The following CYBC1 variants were observed in gnomAD, a reference collection of about 807,000 sequenced individuals.
The protein encoded by CYBC1 is cytochrome b-245 chaperone 1, also known as essential for reactive oxygen species protein.
A neutral mutation model predicts 21.7 loss-of-function variants in CYBC1; 22 were observed. The observed-to-expected ratio is 1.02, with a 90% CI of 0.73 to 1.45. CYBC1 has a LOEUF of 1.45. CYBC1 is among the 40% of genes most tolerant of loss of function. CYBC1 has a pLI of 0.00. For missense variants in CYBC1, 237 were observed against 242.1 expected, an observed-to-expected ratio of 0.98 and a Z score of 0.14; for synonymous variants, 112 against 98.7, an observed-to-expected ratio of 1.13 and a Z score of -0.80.
intron 6 of CYBC1, 95 bp from the exon 7 acceptor site, chr17:82,444,219 C>G: frequency 6.5e-7 from 1 of 1,528,974 alleles, no homozygotes; most frequent in Non-Finnish European, 8.8e-7. Flanking sequence ...ACCTACCTCC[C>G]GCAGACCCTG....
In CYBC1 at chr17:82,445,322, C is replaced by T. The variant is rs376085402; in HGVS notation, c.298+542G>A. On this transcript the variant is annotated intron_variant, in intron 5 of 6. Coordinates refer to ENST00000306645, the MANE Select transcript of CYBC1 (RefSeq NM_001033046.4). ...CCAGGCTCAAGGGTGGGGAGTTCCT[C>T]GGACCATCCAGCCCCTACTGCAGGC... 3.4e-3 allele frequency: 543 copies of T among 158,424 alleles called. 5 individuals carry two copies. Among genetic ancestry groups the T allele is most frequent in the African/African-American group, 0.012 (494 of 41,580 alleles). The allele number at this position is 158,424 out of a possible 1,614,324, so 9.8% of individuals were successfully genotyped here.
In CYBC1 at chr17:82,445,892, C is replaced by T. The variant is rs1043708172; in HGVS notation, c.270G>A (p.Leu90=). 5.0e-6 allele frequency: 8 copies of T among 1,613,034 alleles called. No individual in the cohort carries two copies. The African/African-American group carries it at 8.0e-5, about 16-fold the overall frequency. Residue 90 remains leucine (L), a synonymous_variant, in exon 5 of 7, where the codon CTG becomes CTA. Coordinates refer to ENST00000306645, the MANE Select transcript of CYBC1 (RefSeq NM_001033046.4). The part of the protein sequence containing the change: ...LKTFSLYKKL[L]TLFRAGHDQV... Reference sequence around the variant, plus strand: ...GGTCGTGGCCAGCTCTGAAAAGAGTCAGCAGCTTCTTGTAGAGGCTGAACG... The same window carrying T: ...GGTCGTGGCCAGCTCTGAAAAGAGTTAGCAGCTTCTTGTAGAGGCTGAACG...
chr17:82,449,926 AC>A (rs2054496928), intron 1 of CYBC1: 1 of 152,132 alleles, frequency 6.6e-6, no homozygotes. Flanking sequence ...GGCCCCAGGG[AC>A]CCCGTTCTGG....
At chr17:82,450,125 T>C (rs2054507771) in intron 1 of CYBC1, 1 of 151,842 alleles carries the variant, frequency 6.6e-6, no homozygotes, top group African/African-American at 2.4e-5. Flanking sequence ...CCACAGAAAA[T>C]ACATAAAACA....
At chr17:82,444,239 A>C in intron 6 of CYBC1, 115 bp from the exon 7 acceptor site, 1 of 1,486,220 alleles carries the variant, frequency 6.7e-7, no homozygotes, top group Non-Finnish European at 9.0e-7. Flanking sequence ...GGAGCTCCCA[A>C]ACTGGACCCA....
rs138819358 is a variant in CYBC1 at position 82,444,792 on chromosome 17, G to A, written c.299-201C>T. The A allele has an allele frequency of 1.5e-4, 91 of 613,022 alleles. 1 individual carries two copies. Among genetic ancestry groups the A allele is most frequent in the African/African-American group, 1.4e-3 (78 of 53,916 alleles). The allele number at this position is 613,022 out of a possible 1,614,324, so 38.0% of individuals were successfully genotyped here. Reference sequence around the variant, plus strand: ...GCAGGGTCCTCTGGGTGGGAAGGACGTGCCCGCGGTGCAGGCTGGCGGGTC... The same window carrying A: ...GCAGGGTCCTCTGGGTGGGAAGGACATGCCCGCGGTGCAGGCTGGCGGGTC... On this transcript the variant is annotated intron_variant, in intron 5 of 6. Transcript: ENST00000306645.
intron 1 of CYBC1, chr17:82,449,900 G>A (rs1016248527): frequency 4.9e-4 from 75 of 152,368 alleles, no homozygotes; most frequent in Middle Eastern, 3.4e-3. Flanking sequence ...CCACTTCACC[G>A]TACGCTCCCA....
Position 82,445,963 on chromosome 17 carries a change from G to A in CYBC1, c.202-3C>T, listed in dbSNP as rs1209715263. On this transcript the variant is annotated splice_polypyrimidine_tract_variant and splice_region_variant and intron_variant, in intron 4 of 6. Coordinates refer to ENST00000306645, the MANE Select transcript of CYBC1 (RefSeq NM_001033046.4). ...GTGCTCTTGTCGAAGATGGCTTCCT[G>A]GAAACCGACATGCACTGACCACCAT... 2 of 1,612,872 alleles carry A rather than the reference G, an allele frequency of 1.2e-6. No homozygotes were observed. Among genetic ancestry groups the A allele is most frequent in the Non-Finnish European group, 1.7e-6 (2 of 1,179,414 alleles).
In CYBC1 at chr17:82,443,984, G is replaced by A. The variant is rs746855108; in HGVS notation, c.*20C>T. 1 of 1,610,590 alleles carries A rather than the reference G, an allele frequency of 6.2e-7. No individual in the cohort carries two copies. The highest frequency in any genetic ancestry group is 1.3e-5 in the African/African-American group (1 of 74,896). ...CATGGGTCCTGTGGGCGGTGCACGG[G>A]CTCAGGCACAGTGGGGCTGTCAGCT... On this transcript the variant is annotated 3_prime_UTR_variant, in exon 7 of 7. Transcript: ENST00000306645. This position sits in a 1 kb window ranked among gnomAD's most constrained non-coding sequence, Gnocchi z 6.7.
At chr17:82,444,387 G>A (rs1342892722) in intron 6 of CYBC1, 60 bp downstream of exon 6, 7 of 1,556,138 alleles carry the variant, frequency 4.5e-6, no homozygotes, top group Non-Finnish European at 6.1e-6. Flanking sequence ...TGGGCAGTCA[G>A]GAACGGGAGT....
rs755259919 is a variant in CYBC1 at position 82,443,657 on chromosome 17, G to A, written c.*347C>T. On this transcript the variant is annotated 3_prime_UTR_variant, in exon 7 of 7. Coordinates refer to ENST00000306645, the MANE Select transcript of CYBC1 (RefSeq NM_001033046.4). The surrounding 1 kb of genome is among the most constrained non-coding windows in gnomAD (Gnocchi z 6.7). ...GAAAGGCAGGCCCAGGCCTCACGAT[G>A]GAGAAAGTCTGGATGTCCTGGTCTG... is the stretch of plus-strand genomic sequence containing the variant. 3.9e-6 allele frequency: 3 copies of A among 762,628 alleles called. No individual in the cohort carries two copies. The highest frequency in any genetic ancestry group is 2.7e-5 in the South Asian group (2 of 74,138). The allele number at this position is 762,628 out of a possible 1,614,324, so 47.2% of individuals were successfully genotyped here. A position where few individuals can be genotyped will look rare whatever the true frequency, so the allele number is the denominator to read the frequency against.
intron 1 of CYBC1, chr17:82,449,833 A>C (rs2143763705): frequency 6.5e-6 from 1 of 152,694 alleles, no homozygotes; most frequent in African/African-American, 2.4e-5. Context: ...AGAACCGACG[A>C]GTCACCAAAG....
chr17:82,446,609 C>G lies in CYBC1; in HGVS notation c.201+14G>C, dbSNP rs370383989. 5.0e-6 allele frequency: 8 copies of G among 1,613,782 alleles called. No individual in the cohort carries two copies. The South Asian group carries it at 7.7e-5, about 16-fold the overall frequency. On this transcript the variant is annotated intron_variant, in intron 4 of 6. Transcript: ENST00000306645. ...ACAGCCCTGGACTCTGTCCCGCACCCGAGCCGGCCTTACCTCCCAGTCCTC... is the reference window on the plus strand; with the variant it reads ...ACAGCCCTGGACTCTGTCCCGCACCGGAGCCGGCCTTACCTCCCAGTCCTC...
chr17:82,445,006 G>A (rs1201188001), intron 5 of CYBC1: 1 of 168,816 alleles, frequency 5.9e-6, no homozygotes, highest in African/African-American at 2.4e-5. Context: ...CCCAATGGCT[G>A]TCAGAAAACG....
chr17:82,443,251 C>T lies in CYBC1; in HGVS notation c.*753G>A. 2 of 354,218 alleles carry T rather than the reference C, an allele frequency of 5.6e-6. No homozygotes were observed. Among genetic ancestry groups the T allele is most frequent in the South Asian group, 2.2e-5 (1 of 45,780 alleles). The allele number at this position is 354,218 out of a possible 1,614,324, so 21.9% of individuals were successfully genotyped here. ...TAAGCACTGCACGATACTAGAAGAGCTGACCTTTTTTCTGGCCTCACAGCT... is the reference window on the plus strand; with the variant it reads ...TAAGCACTGCACGATACTAGAAGAGTTGACCTTTTTTCTGGCCTCACAGCT... On this transcript the variant is annotated 3_prime_UTR_variant, in exon 7 of 7. Transcript: ENST00000306645. The surrounding 1 kb of genome is among the most constrained non-coding windows in gnomAD (Gnocchi z 6.7).
chr17:82,448,948 T>G (rs928691528), intron 2 of CYBC1: 1 of 550,250 alleles, frequency 1.8e-6, no homozygotes, highest in African/African-American at 1.9e-5. Context: ...ATAGAGTATA[T>G]TAAATACGCT....
rs113815949 is a variant in CYBC1, at chr17:82,443,695, A to G, written c.*309T>C. 6.9e-5 allele frequency: 53 copies of G among 771,744 alleles called. 1 individual carries two copies. The highest frequency in any genetic ancestry group is 5.7e-4 in the African/African-American group (34 of 59,456). The allele number at this position is 771,744 out of a possible 1,614,324, so 47.8% of individuals were successfully genotyped here. A position where few individuals can be genotyped will look rare whatever the true frequency, so the allele number is the denominator to read the frequency against. On this transcript the variant is annotated 3_prime_UTR_variant, in exon 7 of 7. Coordinates refer to ENST00000306645, the MANE Select transcript of CYBC1 (RefSeq NM_001033046.4). This position sits in a 1 kb window ranked among gnomAD's most constrained non-coding sequence, Gnocchi z 6.7. ...ATGTCCTGGTCTGGCCTGCTGTTTC[A>G]TGCAGTGTGCAAGCAGCAGCATGAG...
Position 82,449,279 on chromosome 17 carries a change from AC to A in CYBC1, c.-26del. The A allele has an allele frequency of 2.0e-6, 3 of 1,516,498 alleles. No individual in the cohort carries two copies. Among genetic ancestry groups the A allele is most frequent in the Non-Finnish European group, 2.7e-6 (3 of 1,129,524 alleles). The allele number at this position is 1,516,498 out of a possible 1,614,324, so 93.9% of individuals were successfully genotyped here. ...TCCCGAGAGGGCAGCACCACTCTCTACAGGAGGAGGGGTCTGGGAACAGACA... is the reference window on the plus strand; with the variant it reads ...TCCCGAGAGGGCAGCACCACTCTCTAAGGAGGAGGGGTCTGGGAACAGACA... On this transcript the variant is annotated 5_prime_UTR_variant, in exon 2 of 7. Transcript: ENST00000306645.
At chr17:82,445,687 G>A (rs1371093081) in intron 5 of CYBC1, 177 bp downstream of exon 5, 2 of 562,482 alleles carry the variant, frequency 3.6e-6, no homozygotes, top group South Asian at 2.0e-5. Flanking sequence ...GTGAGCAGGT[G>A]GGGCGTATCC....
Sources: allele counts gnomAD v4.1 joint callset, GRCh38; gene constraint gnomAD v4.1.1; non-coding constraint Gnocchi (gnomAD v3.1); transcripts MANE v1.5; gene names NCBI Gene and HGNC (gene_info 2026-07-23, HGNC 2026-07-21).